Variants in CNTNAP2 observed in about 807,000 individuals in gnomAD.
CNTNAP2 encodes contactin-associated protein-like 2.
CNTNAP2 carries 98 observed loss-of-function variants against 155.2 expected under a neutral mutation model. The ratio of observed to expected loss-of-function variants is 0.63; its 90% confidence interval spans 0.54 to 0.75. The LOEUF is 0.75. CNTNAP2 is among the 30% of genes least tolerant of loss of function. The pLI is 0.00. For missense variants in CNTNAP2, 1,727 were observed against 1,688.1 expected, an observed-to-expected ratio of 1.02 and a Z score of -0.40; for synonymous variants, 651 against 631.2, an observed-to-expected ratio of 1.03 and a Z score of -0.47.
intron 1 of CNTNAP2, among the ~76,000 whole-genome samples, chr7:146,397,871 C>CTTTTTTTTTTTTTTTTTTTTTT (rs1438446898): frequency 3.2e-5 from 4 of 126,916 alleles, no homozygotes; most frequent in African/African-American, 3.4e-5. Context: ...ATTTGACAGG[C>CTTTTTTTTTTTTTTTTTTTTTT]TTTTATTTAT....
At position 146,670,013 on chromosome 7, in the gene CNTNAP2, C is replaced by T. The variant is rs1457015974; in HGVS notation, c.98-104258C>T. ...ATTAATGTTTTGTTCAAAGAGAATT[C>T]AATCTATAATAGGCCTTTTAAAGAA... On this transcript the variant is annotated intron_variant, in intron 1 of 23. Coordinates refer to ENST00000361727, the MANE Select transcript of CNTNAP2 (RefSeq NM_014141.6). 4.6e-5 allele frequency among the ~76,000 whole-genome samples: 7 copies of T among 152,100 alleles called. No individual in the cohort carries two copies. In the East Asian group the frequency reaches 1.3e-3, roughly 29 times the overall value.
intron 8 of CNTNAP2, among the ~76,000 whole-genome samples, chr7:147,177,117 CTA>C (rs1371340191): frequency 6.7e-6 from 1 of 150,004 alleles, no homozygotes; most frequent in South Asian, 2.1e-4. Context: ...TCACTTCAGT[CTA>C]TCTCTTTCTG....
At chr7:148,268,127 G>C (rs1258763449) in intron 21 of CNTNAP2, among the ~76,000 whole-genome samples, 1 of 152,102 alleles carries the variant, frequency 6.6e-6, no homozygotes, top group Non-Finnish European at 1.5e-5. Context: ...CGATATGATT[G>C]GTGAAGTATT....
intron 16 of CNTNAP2, among the ~76,000 whole-genome samples, chr7:148,147,203 C>G (rs947561875): frequency 2.6e-5 from 4 of 152,202 alleles, no homozygotes; most frequent in African/African-American, 9.6e-5. Context: ...AGACTTCAGT[C>G]TCCTTATCTG....
At chr7:147,104,015 C>T (rs1050752900) in intron 4 of CNTNAP2, among the ~76,000 whole-genome samples, 2 of 151,944 alleles carry the variant, frequency 1.3e-5, no homozygotes, top group African/African-American at 4.8e-5. Context: ...CCTAGAACAG[C>T]AACAAAAAAG....
At chr7:146,355,257 T>C (rs1794981191) in intron 1 of CNTNAP2, among the ~76,000 whole-genome samples, 1 of 152,204 alleles carries the variant, frequency 6.6e-6, no homozygotes, top group South Asian at 2.1e-4. Flanking sequence ...ATTTAAGCCA[T>C]AGCCAGTACA....
At chr7:146,141,193 A>G (rs1526073) in intron 1 of CNTNAP2, among the ~76,000 whole-genome samples, 33,545 of 152,040 alleles carry the variant, frequency 0.22, 3,887 homozygotes, top group Middle Eastern at 0.33. Flanking sequence ...AAGTGGCACA[A>G]AGGGCACCTG....
At chr7:147,094,399 C>CT (rs55694542) in intron 4 of CNTNAP2, among the ~76,000 whole-genome samples, 73,154 of 132,788 alleles carry the variant, frequency 0.55, 22,478 homozygotes, top group East Asian at 0.7. Context: ...ATTATTATTC[C>CT]TTTTTTTTTT....
intron 3 of CNTNAP2, among the ~76,000 whole-genome samples, chr7:146,886,419 A>C (rs2129210529): frequency 6.6e-6 from 1 of 152,186 alleles, no homozygotes; most frequent in East Asian, 1.9e-4. Context: ...GCAGCACTAT[A>C]ATTCTTTTTG....
intron 1 of CNTNAP2, among the ~76,000 whole-genome samples, chr7:146,524,353 G>T (rs1020561825): frequency 1.3e-5 from 2 of 151,964 alleles, no homozygotes; most frequent in African/African-American, 4.8e-5. Context: ...GAGTCTCAGG[G>T]TAGAAATCAT....
At chr7:146,205,139 C>T (rs957853094) in intron 1 of CNTNAP2, among the ~76,000 whole-genome samples, 1 of 151,960 alleles carries the variant, frequency 6.6e-6, no homozygotes, top group Non-Finnish European at 1.5e-5. Flanking sequence ...GAATCCCTTT[C>T]TCTATTCCAA....
intron 8 of CNTNAP2, among the ~76,000 whole-genome samples, chr7:147,284,345 CACATAATATT>C (rs1449698176): frequency 2.0e-5 from 3 of 151,720 alleles, no homozygotes; most frequent in Non-Finnish European, 4.4e-5. Flanking sequence ...GCAACTTCTT[CACATAATATT>C]ACAGTACATG....
chr7:146,878,792 C>T (rs1226423933), intron 3 of CNTNAP2, among the ~76,000 whole-genome samples: 2 of 152,072 alleles, frequency 1.3e-5, no homozygotes, highest in Non-Finnish European at 2.9e-5. Context: ...CCTTACCTGC[C>T]GATCTTCTTA....
At chr7:146,245,957 A>G (rs1799641873) in intron 1 of CNTNAP2, among the ~76,000 whole-genome samples, 1 of 135,904 alleles carries the variant, frequency 7.4e-6, no homozygotes, top group South Asian at 2.2e-4. Context: ...GATAGGCAAA[A>G]CAATTTGGTT....
intron 3 of CNTNAP2, among the ~76,000 whole-genome samples, chr7:146,913,547 G>T (rs1167541535): frequency 6.6e-6 from 1 of 151,998 alleles, no homozygotes; most frequent in Non-Finnish European, 1.5e-5. Flanking sequence ...TGAGTTTTTG[G>T]TGGTGGCCCT....
chr7:147,439,959 A>G (rs1797610091), intron 10 of CNTNAP2, among the ~76,000 whole-genome samples: 1 of 151,932 alleles, frequency 6.6e-6, no homozygotes. Flanking sequence ...TTTTCAGTCT[A>G]CATGTGTCTT....
chr7:147,919,484 A>T (rs1221621308), intron 14 of CNTNAP2, among the ~76,000 whole-genome samples: 1 of 14,908 alleles, frequency 6.7e-5, no homozygotes, highest in Non-Finnish European at 1.3e-4. Flanking sequence ...TTTGAGACAG[A>T]GTCTTGCTCT....
intron 12 of CNTNAP2, among the ~76,000 whole-genome samples, chr7:147,624,133 G>C (rs886668310): frequency 6.6e-6 from 1 of 151,976 alleles, no homozygotes; most frequent in Non-Finnish European, 1.5e-5. Flanking sequence ...TTAAAGCAAA[G>C]ACCTCAAAAT....
At chr7:147,396,611 A>T (rs1436583819) in intron 10 of CNTNAP2, among the ~76,000 whole-genome samples, 2 of 152,088 alleles carry the variant, frequency 1.3e-5, no homozygotes, top group East Asian at 1.9e-4. Flanking sequence ...TTTCTGTGAA[A>T]TATTATGATT....
Sources: gnomAD v4.1 joint callset for allele counts (sites outside exome capture counted in the v4.1 genomes callset) on GRCh38, gnomAD v4.1.1 for gene constraint, MANE v1.5 for transcripts, NCBI Gene and HGNC (gene_info 2026-07-23, HGNC 2026-07-21) for gene names.